AGMO: variants seen among roughly 807,000 people sequenced by gnomAD.
The protein encoded by AGMO is glyceryl-ether monooxygenase.
In AGMO, 75 loss-of-function variants were observed where a neutral mutation model predicts 60.2. The ratio of observed to expected loss-of-function variants is 1.25; its 90% confidence interval spans 1.03 to 1.51. The LOEUF is 1.51. AGMO is among the 40% of genes most tolerant of loss of function. The probability of loss-of-function intolerance (pLI) is 0.00; values close to 1 mark genes in which losing one functional copy is unlikely to be tolerated. For synonymous variants in AGMO, 261 were observed against 177.1 expected, an observed-to-expected ratio of 1.47 and a Z score of -3.76; for missense variants, 763 against 525.5, an observed-to-expected ratio of 1.45 and a Z score of -4.42.
the AGMO span, among the ~76,000 whole-genome samples, chr7:15,157,934 A>C: frequency 6.6e-6 from 1 of 152,186 alleles, no homozygotes; most frequent in Non-Finnish European, 1.5e-5. Context: ...GCTAGTTGAA[A>C]TGCAGATTCT....
chr7:15,387,384 C>T (rs746417125), intron 9 of AGMO, 22 bp downstream of exon 9: 1 of 1,608,438 alleles, frequency 6.2e-7, no homozygotes, highest in Non-Finnish European at 8.5e-7. Flanking sequence ...TCACCATCTC[C>T]AATTCTGTGA....
chr7:15,206,195 A>G (rs1781434929), intron 12 of AGMO, among the ~76,000 whole-genome samples: 2 of 152,136 alleles, frequency 1.3e-5, no homozygotes, highest in African/African-American at 4.8e-5. Context: ...TTAGAGCCAA[A>G]TGTACCATAG....
At chr7:15,395,225 G>C (rs1161147053) in intron 5 of AGMO, among the ~76,000 whole-genome samples, 1 of 152,168 alleles carries the variant, frequency 6.6e-6, no homozygotes, top group Admixed American at 6.5e-5. Context: ...GAGGACATAT[G>C]AGGAATAAAG....
intron 12 of AGMO, among the ~76,000 whole-genome samples, chr7:15,322,668 ATAAATATATG>A (rs1781194055): frequency 1.1e-5 from 1 of 90,314 alleles, no homozygotes; most frequent in Non-Finnish European, 1.9e-5. Context: ...ATAAATATAT[ATAAATATATG>A]TATATATAAA....
chr7:15,359,630 G>GT (rs1442338974), intron 12 of AGMO, among the ~76,000 whole-genome samples: 3 of 152,140 alleles, frequency 2.0e-5, no homozygotes, highest in Non-Finnish European at 4.4e-5. Flanking sequence ...GTTATCTGCT[G>GT]TGTCTTAGAG....
the AGMO span, among the ~76,000 whole-genome samples, chr7:15,153,034 A>G: frequency 6.6e-6 from 1 of 152,076 alleles, no homozygotes; most frequent in African/African-American, 2.4e-5. Flanking sequence ...CCATTCTTTC[A>G]GGAGTGAGGT....
the AGMO span, among the ~76,000 whole-genome samples, chr7:15,175,092 CCTAA>C: frequency 2.0e-4 from 30 of 151,772 alleles, no homozygotes; most frequent in East Asian, 1.5e-3. Context: ...TAAAAACTTA[CCTAA>C]CTGTGTTTTC....
intron 12 of AGMO, among the ~76,000 whole-genome samples, chr7:15,202,088 G>T (rs538262921): frequency 7.2e-5 from 11 of 152,038 alleles, no homozygotes; most frequent in Non-Finnish European, 1.5e-4. Context: ...TAGGTGGTTG[G>T]GTAACTGGAA....
At chr7:15,390,994 A>C (rs1409216886) in intron 6 of AGMO, 89 bp from the exon 7 acceptor site, 4 of 809,166 alleles carry the variant, frequency 4.9e-6, no homozygotes, top group Non-Finnish European at 7.8e-6. Flanking sequence ...ATATATTCAT[A>C]AAATTCAGAT....
At chr7:15,261,465 C>A (rs1414354269) in intron 12 of AGMO, among the ~76,000 whole-genome samples, 1 of 151,912 alleles carries the variant, frequency 6.6e-6, no homozygotes, top group African/African-American at 2.4e-5. Context: ...GATATAGTAT[C>A]TCTGAACCGA....
intron 9 of AGMO, among the ~76,000 whole-genome samples, chr7:15,386,385 C>T (rs113836137): frequency 1.3e-5 from 2 of 152,260 alleles, no homozygotes; most frequent in African/African-American, 2.4e-5. Context: ...GACTCCAGCA[C>T]TCACATAACT....
the AGMO span, among the ~76,000 whole-genome samples, chr7:15,170,688 T>TACTG: frequency 1.9e-4 from 29 of 152,308 alleles, no homozygotes; most frequent in African/African-American, 6.7e-4. Flanking sequence ...AATGAACCAA[T>TACTG]ACTGATACAT....
At chr7:15,387,906 T>C (rs1044536384) in intron 8 of AGMO, among the ~76,000 whole-genome samples, 1 of 123,874 alleles carries the variant, frequency 8.1e-6, no homozygotes, top group South Asian at 2.4e-4. Context: ...CACATTCTCT[T>C]TTTTTTTTTT....
intron 3 of AGMO, among the ~76,000 whole-genome samples, chr7:15,444,572 C>A (rs189797294): frequency 1.8e-4 from 28 of 152,302 alleles, no homozygotes; most frequent in Middle Eastern, 3.4e-3. Context: ...TTTGAAAAAT[C>A]TTTTCCTTTG....
At chr7:15,281,058 T>A (rs1783951260) in intron 12 of AGMO, among the ~76,000 whole-genome samples, 1 of 152,068 alleles carries the variant, frequency 6.6e-6, no homozygotes, top group Non-Finnish European at 1.5e-5. Context: ...TCTCAGGGCC[T>A]CCTACTCCTA....
chr7:15,307,140 A>G (rs1780638624), intron 12 of AGMO, among the ~76,000 whole-genome samples: 1 of 152,022 alleles, frequency 6.6e-6, no homozygotes, highest in African/African-American at 2.4e-5. Context: ...ATATATTACA[A>G]TATCTTATTA....
chr7:15,159,865 C>A, the AGMO span, among the ~76,000 whole-genome samples: 2 of 152,138 alleles, frequency 1.3e-5, no homozygotes, highest in African/African-American at 4.8e-5. Flanking sequence ...ATTGTGTGGT[C>A]TCTTCTTATG....
Position 15,418,627 on chromosome 7 carries a change from G to A in AGMO, c.540C>T (p.Phe180=), listed in dbSNP as rs767663830. The A allele has an allele frequency of 6.3e-7, 1 of 1,576,470 alleles. No individual in the cohort carries two copies. The highest frequency in any genetic ancestry group is 8.6e-7 in the Non-Finnish European group (1 of 1,166,936). Residue 180 remains phenylalanine (F), a synonymous_variant, in exon 5 of 13, where the codon TTC becomes TTT. Coordinates refer to ENST00000342526, the MANE Select transcript of AGMO (RefSeq NM_001004320.2). ...SWIFYSPLAL[F]IPPSVYAVHL... is the part of the protein sequence containing the mutation. ...GAACAGCATATACTGAAGGGGGTAT[G>A]AAGAGGGCCAGGGGAGAGTAGAAAA...
chr7:15,383,808 GTTGTATTTTTCTTTTT>G (rs1359115749), intron 10 of AGMO, among the ~76,000 whole-genome samples: 8 of 151,878 alleles, frequency 5.3e-5, no homozygotes, highest in African/African-American at 1.9e-4. Context: ...TTCCCGGATT[GTTGTATTTTTCTTTTT>G]AGGCTTTTTC....
Sources: allele counts gnomAD v4.1 joint callset (sites outside exome capture counted in the v4.1 genomes callset), GRCh38; gene constraint gnomAD v4.1.1; transcripts MANE v1.5; gene names NCBI Gene and HGNC (gene_info 2026-07-23, HGNC 2026-07-21).